Variants in OSTN observed in about 807,000 individuals in gnomAD.
OSTN encodes the protein osteocrin.
A neutral mutation model predicts 12.0 loss-of-function variants in OSTN; 9 were observed. That is an observed-to-expected ratio of 0.75 (90% CI 0.45 to 1.30). The LOEUF is 1.30. OSTN is among the 50% of genes most tolerant of loss of function. The pLI is 0.00. For synonymous variants in OSTN, 59 were observed against 56.9 expected, an observed-to-expected ratio of 1.04 and a Z score of -0.16; for missense variants, 148 against 152.3, an observed-to-expected ratio of 0.97 and a Z score of 0.15.
At chr3:191,251,941 C>G (rs9985458) in intron 4 of OSTN, among the ~76,000 whole-genome samples, 81,678 of 152,132 alleles carry the variant, frequency 0.54, 23,611 homozygotes, top group African/African-American at 0.76. Context: ...AATTAATTAA[C>G]TTTGATTGGT....
intron 4 of OSTN, among the ~76,000 whole-genome samples, chr3:191,252,071 G>C (rs537245236): frequency 6.6e-6 from 1 of 151,310 alleles, no homozygotes; most frequent in Non-Finnish European, 1.5e-5. Context: ...TTTTTTTTTG[G>C]TTTTTTTGAG....
At chr3:191,231,825 T>A (rs1319375237) in intron 3 of OSTN, among the ~76,000 whole-genome samples, 2 of 152,220 alleles carry the variant, frequency 1.3e-5, no homozygotes, top group East Asian at 3.8e-4. Context: ...TTGTGTCATA[T>A]GTCACTATGG....
chr3:191,203,944 A>G (rs1182551737), intron 1 of OSTN, among the ~76,000 whole-genome samples: 1 of 152,040 alleles, frequency 6.6e-6, no homozygotes, highest in Non-Finnish European at 1.5e-5. Flanking sequence ...CTGGAGTGCA[A>G]TGGCGCAATC....
intron 1 of OSTN, among the ~76,000 whole-genome samples, chr3:191,209,903 A>G (rs1374579883): frequency 6.6e-6 from 1 of 152,222 alleles, no homozygotes; most frequent in Non-Finnish European, 1.5e-5. Flanking sequence ...CTGCTGCACA[A>G]CTGCAATCAA....
intron 3 of OSTN, among the ~76,000 whole-genome samples, chr3:191,241,418 T>C (rs1715320272): frequency 6.6e-6 from 1 of 152,008 alleles, no homozygotes; most frequent in African/African-American, 2.4e-5. Context: ...TCTCCTGACC[T>C]CGTGATCCAC....
Position 191,260,833 on chromosome 3 carries a change from C to T in OSTN, c.*13-2033C>T, listed in dbSNP as rs1560127499. Among the ~76,000 whole-genome samples the T allele has an allele frequency of 2.0e-5, 3 of 152,062 alleles. No homozygotes were observed. In the East Asian group the frequency reaches 5.8e-4, roughly 29 times the overall value. ...CCTCTTTATGAACAACACAGAAAGACAGAGACAAAGAAAAAGACTGTTTCT... is the reference window on the plus strand; with the variant it reads ...CCTCTTTATGAACAACACAGAAAGATAGAGACAAAGAAAAAGACTGTTTCT... On this transcript the variant is annotated intron_variant, in intron 4 of 4. Transcript: ENST00000682035.
chr3:191,222,166 C>T (rs1714782007), intron 3 of OSTN, among the ~76,000 whole-genome samples: 1 of 152,250 alleles, frequency 6.6e-6, no homozygotes, highest in Non-Finnish European at 1.5e-5. Flanking sequence ...AGAACCACTA[C>T]TAGGGCAGTG....
chr3:191,256,065 G>A (rs9822737), intron 4 of OSTN, among the ~76,000 whole-genome samples: 56,073 of 151,660 alleles, frequency 0.37, 10,633 homozygotes, highest in Admixed American at 0.47. Context: ...ATAATTGTCT[G>A]TGTATGACAA....
At chr3:191,225,636 A>G (rs1714889977) in intron 3 of OSTN, among the ~76,000 whole-genome samples, 1 of 152,188 alleles carries the variant, frequency 6.6e-6, no homozygotes, top group South Asian at 2.1e-4. Context: ...ATGGAATACT[A>G]CACAGCCATA....
chr3:191,232,601 C>CTTT (rs372681131), intron 3 of OSTN, among the ~76,000 whole-genome samples: 1 of 134,288 alleles, frequency 7.4e-6, no homozygotes, highest in Non-Finnish European at 1.6e-5. Flanking sequence ...GTGACTAAAT[C>CTTT]ATTTTTTTTT....
chr3:191,201,155 C>T (rs1296840878), intron 1 of OSTN, among the ~76,000 whole-genome samples: 1 of 151,982 alleles, frequency 6.6e-6, no homozygotes, highest in East Asian at 1.9e-4. Flanking sequence ...ATAAGTGTCA[C>T]GGTACATCCC....
chr3:191,253,529 G>T (rs1486087684), intron 4 of OSTN, among the ~76,000 whole-genome samples: 2 of 152,144 alleles, frequency 1.3e-5, no homozygotes, highest in Non-Finnish European at 2.9e-5. Context: ...ACATCTTAAG[G>T]TTACAGAAAG....
At chr3:191,242,020 C>T (rs958768001) in intron 3 of OSTN, among the ~76,000 whole-genome samples, 2 of 151,728 alleles carry the variant, frequency 1.3e-5, no homozygotes. Context: ...AAAAAAAATA[C>T]CATTATCATG....
chr3:191,223,524 G>A (rs1179728488), intron 3 of OSTN, among the ~76,000 whole-genome samples: 1 of 152,082 alleles, frequency 6.6e-6, no homozygotes, highest in Non-Finnish European at 1.5e-5. Flanking sequence ...CATAAAATTT[G>A]GAATGAGTAT....
rs1162194192 is a variant in OSTN at position 191,263,938 on chromosome 3, T to A, written c.*1085T>A. ...TAGGTCCATTGTGCATTGGATATACTTTGAAAACACACAAAAAAAACTTTC... is the reference window on the plus strand; with the variant it reads ...TAGGTCCATTGTGCATTGGATATACATTGAAAACACACAAAAAAAACTTTC... On this transcript the variant is annotated 3_prime_UTR_variant, in exon 5 of 5. Coordinates refer to ENST00000682035, the MANE Select transcript of OSTN (RefSeq NM_198184.2). The A allele has an allele frequency of 7.9e-6, 1 of 126,034 alleles. No homozygotes were observed. The highest frequency in any genetic ancestry group is 2.7e-5 in the African/African-American group (1 of 37,242). The allele number at this position is 126,034 out of a possible 1,614,324, so 7.8% of individuals were successfully genotyped here.
intron 2 of OSTN, among the ~76,000 whole-genome samples, chr3:191,215,655 C>G (rs1302411755): frequency 6.6e-6 from 1 of 152,224 alleles, no homozygotes; most frequent in East Asian, 1.9e-4. Flanking sequence ...AGAAATCCTA[C>G]AGGGCAGTTA....
intron 1 of OSTN, among the ~76,000 whole-genome samples, chr3:191,211,909 GTA>G (rs1714427695): frequency 6.6e-6 from 1 of 151,892 alleles, no homozygotes; most frequent in African/African-American, 2.4e-5. Flanking sequence ...TACATATCAT[GTA>G]TATATTCAAT....
rs1223641902 is a variant in OSTN, at chr3:191,264,709, T to C, written c.*1856T>C. Reference sequence around the variant, plus strand: ...ATGTTTCCTATTGCTTAGAAGCTCTTTCTTTCCTTGTATGCACATTTGGGT... The same window carrying C: ...ATGTTTCCTATTGCTTAGAAGCTCTCTCTTTCCTTGTATGCACATTTGGGT... On this transcript the variant is annotated 3_prime_UTR_variant, in exon 5 of 5. Transcript: ENST00000682035. 6.6e-6 allele frequency: 1 copy of C among 152,154 alleles called. No individual in the cohort carries two copies. Among genetic ancestry groups the C allele is most frequent in the Non-Finnish European group, 1.5e-5 (1 of 67,982 alleles). 9.4% of individuals were successfully genotyped at this position (152,154 alleles called of 1,614,324 possible).
At chr3:191,208,400 G>C (rs543574992) in intron 1 of OSTN, among the ~76,000 whole-genome samples, 1 of 152,158 alleles carries the variant, frequency 6.6e-6, no homozygotes, top group Non-Finnish European at 1.5e-5. Context: ...TGTATGGCAG[G>C]TGCCAGGGTG....
Sources: allele counts gnomAD v4.1 joint callset (sites outside exome capture counted in the v4.1 genomes callset), GRCh38; gene constraint gnomAD v4.1.1; transcripts MANE v1.5; gene names NCBI Gene and HGNC (gene_info 2026-07-23, HGNC 2026-07-21).